Variants in SMG7 observed in about 807,000 individuals in gnomAD.
SMG7 encodes the protein SMG7 nonsense mediated mRNA decay factor, also known as nonsense-mediated mRNA decay factor SMG7.
A neutral mutation model predicts 148.2 loss-of-function variants in SMG7; 34 were observed. That is an observed-to-expected ratio of 0.23 (90% CI 0.17 to 0.31). The LOEUF is 0.31. Among genes scored for constraint, SMG7 ranks in the 10% least tolerant of loss-of-function variants. SMG7 has a pLI of 1.00. For missense variants in SMG7, 1,114 were observed against 1,408.4 expected, an observed-to-expected ratio of 0.79 and a Z score of 3.35; for synonymous variants, 492 against 515.1, an observed-to-expected ratio of 0.96 and a Z score of 0.61.
chr1:183,491,124 C>T (rs377737199), intron 1 of SMG7, among the ~76,000 whole-genome samples: 4 of 152,314 alleles, frequency 2.6e-5, no homozygotes, highest in South Asian at 4.1e-4. Context: ...CCCTCTGTGC[C>T]TCAGGCAATC....
Position 183,545,011 on chromosome 1 carries a change from C to G in SMG7, c.2069C>G (p.Ser690Cys). The G allele has an allele frequency of 6.2e-7, 1 of 1,614,010 alleles. No homozygotes were observed. The highest frequency in any genetic ancestry group is 1.1e-5 in the South Asian group (1 of 91,080). ...GSGYTFPAGV[S>C]VPGTFLQPTA... ...GGTTACACCTTCCCAGCTGGTGTTT[C>G]TGTCCCAGGAACCTTTCTTCAGCCT... The change falls in exon 16 of 23, where the codon TCT becomes TGT. Residue 690 changes from serine to cysteine, a missense_variant. Ser to Cys is a moderately radical substitution (Grantham distance 112, BLOSUM62 -1). Coordinates refer to ENST00000688051, the MANE Select transcript of SMG7 (RefSeq NM_001375584.1).
intron 1 of SMG7, chr1:183,472,995 G>C: frequency 3.0e-6 from 1 of 331,604 alleles, no homozygotes; most frequent in Non-Finnish European, 5.5e-6. Context: ...GTGGAGGTGG[G>C]TGTGGAGGAG....
chr1:183,487,531 C>T (rs1034832168), intron 1 of SMG7, among the ~76,000 whole-genome samples: 2 of 152,202 alleles, frequency 1.3e-5, no homozygotes, highest in African/African-American at 4.8e-5. Context: ...TCCACAATAG[C>T]TATACAGCCT....
chr1:183,552,647 C>A lies in SMG7; in HGVS notation c.*716C>A. On this transcript the variant is annotated 3_prime_UTR_variant, in exon 23 of 23. Coordinates refer to ENST00000688051, the MANE Select transcript of SMG7 (RefSeq NM_001375584.1). ...GGGAATGCCCTTCACTCTGTAGGTGCTCGAGCCCCAATCGAGGATACAGTG... is the reference window on the plus strand; with the variant it reads ...GGGAATGCCCTTCACTCTGTAGGTGATCGAGCCCCAATCGAGGATACAGTG... 1 of 1,099,130 alleles carries A rather than the reference C, an allele frequency of 9.1e-7. No homozygotes were observed. The allele number at this position is 1,099,130 out of a possible 1,614,324, so 68.1% of individuals were successfully genotyped here.
intron 1 of SMG7, among the ~76,000 whole-genome samples, chr1:183,506,366 A>G (rs550629643): frequency 6.6e-6 from 1 of 152,328 alleles, no homozygotes; most frequent in African/African-American, 2.4e-5. Context: ...CTTTAGGAGC[A>G]GCATCTTCTC....
intron 4 of SMG7, among the ~76,000 whole-genome samples, chr1:183,520,822 TTG>T (rs1182082294): frequency 1.3e-5 from 2 of 152,188 alleles, no homozygotes; most frequent in Non-Finnish European, 2.9e-5. Context: ...AGTATGGTAT[TTG>T]TAAAAACATT....
At chr1:183,487,406 A>G (rs1571781687) in intron 1 of SMG7, among the ~76,000 whole-genome samples, 1 of 151,768 alleles carries the variant, frequency 6.6e-6, no homozygotes, top group Admixed American at 6.6e-5. Context: ...AATTCAATAC[A>G]CTCTCCCTTT....
chr1:183,502,454 C>T, intron 1 of SMG7: 1 of 1,329,240 alleles, frequency 7.5e-7, no homozygotes. Context: ...GTGTATTATT[C>T]ATACTCTGTG....
At chr1:183,549,171 G>T in intron 18 of SMG7, 37 bp from the exon 19 acceptor site, 2 of 1,446,092 alleles carry the variant, frequency 1.4e-6, no homozygotes, top group Non-Finnish European at 1.9e-6. Flanking sequence ...AAAATAGAAG[G>T]TATAACTTAA....
chr1:183,484,406 A>C (rs1271430248), intron 1 of SMG7, among the ~76,000 whole-genome samples: 1 of 147,544 alleles, frequency 6.8e-6, no homozygotes. Context: ...TCCATGGATG[A>C]GGAACTCACC....
chr1:183,550,119 CAA>C, intron 20 of SMG7, 196 bp downstream of exon 20: 1 of 505,386 alleles, frequency 2.0e-6, no homozygotes, highest in African/African-American at 2.0e-5. Flanking sequence ...ATGCTACTGA[CAA>C]AACTTTTTAC....
chr1:183,514,218 A>C (rs941098274), intron 2 of SMG7, among the ~76,000 whole-genome samples: 9 of 86,274 alleles, frequency 1.0e-4, no homozygotes, highest in South Asian at 2.7e-4. Context: ...GAAATTCACA[A>C]AAAAAAAAAA....
chr1:183,518,289 A>C (rs1305256302), intron 4 of SMG7, among the ~76,000 whole-genome samples: 2 of 152,160 alleles, frequency 1.3e-5, no homozygotes, highest in Non-Finnish European at 2.9e-5. Flanking sequence ...TTAAAAAAAA[A>C]AACGCTGTGC....
chr1:183,508,548 A>G (rs1661458424), intron 1 of SMG7, among the ~76,000 whole-genome samples: 1 of 152,202 alleles, frequency 6.6e-6, no homozygotes, highest in Non-Finnish European at 1.5e-5. Flanking sequence ...CTAATCTATT[A>G]AAACATTTAT....
chr1:183,500,794 A>G (rs1659553804), intron 1 of SMG7, among the ~76,000 whole-genome samples: 1 of 152,220 alleles, frequency 6.6e-6, no homozygotes, highest in African/African-American at 2.4e-5. Context: ...CTGAGGGGCA[A>G]AACAACAAGA....
rs372193331 is a variant in SMG7, at chr1:183,517,675, A to T, written c.180-13A>T. ...TCACTGCTATACCAAATAGAATTAC[A>T]TTTTGTTTTCAGCTGGAATCACGCC... On this transcript the variant is annotated splice_polypyrimidine_tract_variant and intron_variant, in intron 3 of 22. Transcript: ENST00000688051. The T allele has an allele frequency of 1.2e-6, 2 of 1,613,926 alleles. No homozygotes were observed. The highest frequency in any genetic ancestry group is 2.2e-5 in the South Asian group (2 of 91,078).
At chr1:183,549,665 A>G in intron 19 of SMG7, 99 bp from the exon 20 acceptor site, 1 of 899,158 alleles carries the variant, frequency 1.1e-6, no homozygotes. Context: ...CTTCCTAAGA[A>G]AAGCTTAAGG....
At chr1:183,503,700 C>T (rs1660263696) in intron 1 of SMG7, among the ~76,000 whole-genome samples, 1 of 152,164 alleles carries the variant, frequency 6.6e-6, no homozygotes, top group African/African-American at 2.4e-5. Flanking sequence ...ATTTGATGGT[C>T]ATTGAACTAT....
At chr1:183,490,140 G>A (rs1281270478) in intron 1 of SMG7, among the ~76,000 whole-genome samples, 2 of 152,132 alleles carry the variant, frequency 1.3e-5, no homozygotes, top group Non-Finnish European at 2.9e-5. Flanking sequence ...GATTGGTCAG[G>A]GAAGGTCATT....
Sources: gnomAD v4.1 joint callset for allele counts (sites outside exome capture counted in the v4.1 genomes callset) on GRCh38, gnomAD v4.1.1 for gene constraint, MANE v1.5 for transcripts, NCBI Gene and HGNC (gene_info 2026-07-23, HGNC 2026-07-21) for gene names.